The following ZNF595 variants were observed in gnomAD, a reference collection of about 807,000 sequenced individuals.
The protein encoded by ZNF595 is zinc finger protein 595.
ZNF595 carries 9 observed loss-of-function variants against 19.4 expected under a neutral mutation model. The observed-to-expected ratio is 0.46, with a 90% CI of 0.28 to 0.81. The LOEUF is 0.81. Among genes scored for constraint, ZNF595 ranks in the 30% least tolerant of loss-of-function variants. ZNF595 has a pLI of 0.11. For missense variants in ZNF595, 729 were observed against 736.0 expected (o/e 0.99, Z 0.11); for synonymous variants, 255 against 255.9 (o/e 1.00, Z 0.03).
chr4:57,683 T>C (rs1256228937), intron 1 of ZNF595, among the ~76,000 whole-genome samples: 13 of 151,974 alleles, frequency 8.6e-5, no homozygotes, highest in Non-Finnish European at 1.9e-4. Context: ...AGATGAAAAC[T>C]GTACAGGAGA....
chr4:60,665 T>G (rs1242943748), intron 3 of ZNF595, among the ~76,000 whole-genome samples: 65 of 151,094 alleles, frequency 4.3e-4, no homozygotes, highest in Non-Finnish European at 7.3e-4. Flanking sequence ...AATGTGCAGG[T>G]TAGTGACATA....
At chr4:79,569 T>C (rs1396515329) in intron 3 of ZNF595, among the ~76,000 whole-genome samples, 1 of 152,210 alleles carries the variant, frequency 6.6e-6, no homozygotes, top group Admixed American at 6.5e-5. Context: ...GCTCACTGGA[T>C]ACTTTGATCT....
At chr4:80,522 C>T (rs1369286188) in intron 3 of ZNF595, among the ~76,000 whole-genome samples, 1 of 152,108 alleles carries the variant, frequency 6.6e-6, no homozygotes, top group East Asian at 1.9e-4. Context: ...AGCAGTAAAG[C>T]TTTTTAATCA....
chr4:87,501 A>T lies in ZNF595; in HGVS notation c.*50A>T, dbSNP rs781842228. 1 of 1,407,360 alleles carries T rather than the reference A, an allele frequency of 7.1e-7. No individual in the cohort carries two copies. The highest frequency in any genetic ancestry group is 9.4e-7 in the Non-Finnish European group (1 of 1,064,624). 87.2% of individuals were successfully genotyped at this position (1,407,360 alleles called of 1,614,324 possible). A position where few individuals can be genotyped will look rare whatever the true frequency, so the allele number is the denominator to read the frequency against. ...TCCAGTGTCTTTACACAGCAAATAA[A>T]TTGGAGAATATTGCTCCCATATAAA... On this transcript the variant is annotated 3_prime_UTR_variant, in exon 4 of 4. Coordinates refer to ENST00000610261, the MANE Select transcript of ZNF595 (RefSeq NM_182524.4).
intron 3 of ZNF595, among the ~76,000 whole-genome samples, chr4:76,242 ATTTATT>A (rs1403136440): frequency 6.6e-6 from 1 of 151,994 alleles, no homozygotes; most frequent in Non-Finnish European, 1.5e-5. Context: ...TATTTTATGT[ATTTATT>A]TTAGAGACAC....
At chr4:73,300 T>C (rs933638063) in intron 3 of ZNF595, among the ~76,000 whole-genome samples, 3 of 152,012 alleles carry the variant, frequency 2.0e-5, no homozygotes, top group Non-Finnish European at 4.4e-5. Flanking sequence ...AGATTCAGGA[T>C]TGGAGAATGT....
chr4:86,458 C>T lies in ZNF595; in HGVS notation c.954C>T (p.Gly318=), dbSNP rs1553801556. 6.8e-6 allele frequency: 11 copies of T among 1,613,974 alleles called. No homozygotes were observed. Among genetic ancestry groups the T allele is most frequent in the Non-Finnish European group, 9.3e-6 (11 of 1,179,960 alleles). Residue 318 remains glycine, a synonymous_variant, in exon 4 of 4, where the codon GGC becomes GGT. Coordinates refer to ENST00000610261, the MANE Select transcript of ZNF595 (RefSeq NM_182524.4). The part of the protein sequence containing the change: ...GEKPYKCKEC[G]KAFRQSRSLN... ...AACCCTACAAATGTAAAGAATGTGG[C>T]AAAGCCTTTAGACAGTCCAGGAGCC... is the stretch of plus-strand genomic sequence containing the variant.
At chr4:75,535 A>C (rs1553798574) in intron 3 of ZNF595, among the ~76,000 whole-genome samples, 1 of 152,220 alleles carries the variant, frequency 6.6e-6, no homozygotes, top group African/African-American at 2.4e-5. Context: ...TGGCAGTTAA[A>C]TTTTAACATG....
In ZNF595 at chr4:86,638, T is replaced by C. The variant is rs782622432; in HGVS notation, c.1134T>C (p.Thr378=). 10 of 1,601,456 alleles carry C rather than the reference T, an allele frequency of 6.2e-6. No homozygotes were observed. The highest frequency in any genetic ancestry group is 8.5e-6 in the Non-Finnish European group (10 of 1,175,414). The change falls in exon 4 of 4, where the codon ACT becomes ACC. Residue 378 remains threonine, a synonymous_variant. Coordinates refer to ENST00000610261, the MANE Select transcript of ZNF595 (RefSeq NM_182524.4). ...GTGAAGAATGTGGCAAAGCCTTTAC[T>C]TGGTCCTCATCCCTTAATAAACATA... ...YKCEECGKAF[T]WSSSLNKHKR...
At position 85,766 on chromosome 4, in the gene ZNF595, G is replaced by A. The variant is rs781866482; in HGVS notation, c.262G>A (p.Val88Met). 1 of 1,608,684 alleles carries A rather than the reference G, an allele frequency of 6.2e-7. No homozygotes were observed. Among genetic ancestry groups the A allele is most frequent in the Admixed American group, 1.7e-5 (1 of 59,716 alleles). ...TCCTTTCAGCCAAGACCTTTCACCA[G>A]TGCAGGGGATAGAAGATTCATTCCA... Reference protein sequence around the residue: ...CSPFSQDLSPVQGIEDSFHKL... With the variant: ...CSPFSQDLSPMQGIEDSFHKL... Residue 88 changes from valine (V) to methionine (M), a missense_variant, in exon 4 of 4, where the codon GTG (valine) becomes ATG (methionine). By Grantham distance (21) the Val-to-Met change is conservative. Transcript: ENST00000610261.
chr4:76,165 A>G (rs782047799), intron 3 of ZNF595, among the ~76,000 whole-genome samples: 1 of 152,158 alleles, frequency 6.6e-6, no homozygotes, highest in African/African-American at 2.4e-5. Context: ...AAGTGCTAGG[A>G]TTATCAGCAT....
Position 87,490 on chromosome 4 carries a change from A to C in ZNF595, c.*39A>C. ...TAATCTCTAATTCCAGTGTCTTTAC[A>C]CAGCAAATAAATTGGAGAATATTGC... On this transcript the variant is annotated 3_prime_UTR_variant, in exon 4 of 4. Coordinates refer to ENST00000610261, the MANE Select transcript of ZNF595 (RefSeq NM_182524.4). 1 of 1,460,094 alleles carries C rather than the reference A, an allele frequency of 6.8e-7. No homozygotes were observed. Among genetic ancestry groups the C allele is most frequent in the Non-Finnish European group, 9.1e-7 (1 of 1,101,394 alleles). The allele number at this position is 1,460,094 out of a possible 1,614,324, so 90.4% of individuals were successfully genotyped here. A position where few individuals can be genotyped will look rare whatever the true frequency, so the allele number is the denominator to read the frequency against.
intron 3 of ZNF595, among the ~76,000 whole-genome samples, chr4:74,390 A>G (rs1713559637): frequency 6.6e-6 from 1 of 152,148 alleles, no homozygotes; most frequent in African/African-American, 2.4e-5. Flanking sequence ...TGTCTGAATG[A>G]TGTGTTGTAT....
rs879994055 is a variant in ZNF595 at position 87,339 on chromosome 4, T to G, written c.1835T>G (p.Ile612Arg). The G allele has an allele frequency of 2.9e-5, 47 of 1,605,628 alleles. No individual in the cohort carries two copies. The highest frequency in any genetic ancestry group is 3.9e-5 in the Non-Finnish European group (46 of 1,176,508). The part of the protein sequence containing the change: ...NWSSSLTKHK[I>R]IHTGEKSYKC... ...TCCTCATCCCTTACTAAACATAAGA[T>G]AATTCATACTGGAGAGAAATCCTAC... is the stretch of plus-strand genomic sequence containing the variant. Residue 612 changes from isoleucine to arginine, a missense_variant, in exon 4 of 4, where the codon ATA (isoleucine) becomes AGA (arginine). Ile to Arg is a moderately conservative substitution (Grantham distance 97, BLOSUM62 -3). Around this residue, in one of 2 missense-constraint regions of ZNF595, gnomAD observed 729 missense variants for 675.3 expected, o/e 1.08. Transcript: ENST00000610261.
Position 86,571 on chromosome 4 carries a change from T to C in ZNF595, c.1067T>C (p.Ile356Thr), listed in dbSNP as rs375007613. 2.7e-5 allele frequency: 44 copies of C among 1,612,254 alleles called. No homozygotes were observed. Among genetic ancestry groups the C allele is most frequent in the African/African-American group, 5.4e-5 (4 of 74,456 alleles). The change falls in exon 4 of 4, where the codon ATT (isoleucine) becomes ACT (threonine). Residue 356 changes from isoleucine (I) to threonine (T), a missense_variant. Physicochemically the swap from Ile to Thr is moderately conservative, Grantham distance 89 (BLOSUM62 -1). Coordinates refer to ENST00000610261, the MANE Select transcript of ZNF595 (RefSeq NM_182524.4). ...GKAFNQSSSL[I>T]IHRSIHSEQK... ...GCTTTTAACCAATCCTCAAGTCTTA[T>C]TATACACAGGAGCATTCATTCTGAA... is the stretch of plus-strand genomic sequence containing the variant.
chr4:57,687 C>G (rs1581314820), intron 1 of ZNF595, among the ~76,000 whole-genome samples: 1 of 151,882 alleles, frequency 6.6e-6, no homozygotes, highest in African/African-American at 2.4e-5. Context: ...GAAAACTGTA[C>G]AGGAGACTTA....
At chr4:69,370 T>C (rs1553797522) in intron 3 of ZNF595, among the ~76,000 whole-genome samples, 1 of 152,198 alleles carries the variant, frequency 6.6e-6, no homozygotes, top group African/African-American at 2.4e-5. Context: ...AAGAGAATGC[T>C]AGAGTTTTTT....
At chr4:78,729 C>CT (rs1560090694) in intron 3 of ZNF595, among the ~76,000 whole-genome samples, 1 of 152,066 alleles carries the variant, frequency 6.6e-6, no homozygotes, top group East Asian at 1.9e-4. Flanking sequence ...TTCTTTCTTT[C>CT]TTTTTTGAGA....
At chr4:83,952 CT>C (rs1714030900) in intron 3 of ZNF595, among the ~76,000 whole-genome samples, 1 of 149,214 alleles carries the variant, frequency 6.7e-6, no homozygotes, top group African/African-American at 2.5e-5. Context: ...TTCTGTCTTC[CT>C]TTTGACTTTT....
Sources: gnomAD v4.1 joint callset for allele counts (sites outside exome capture counted in the v4.1 genomes callset) on GRCh38, gnomAD v4.1.1 for gene constraint, gnomAD v4.1.1 regional missense constraint, MANE v1.5 for transcripts, NCBI Gene and HGNC (gene_info 2026-07-23, HGNC 2026-07-21) for gene names.